Variants in KPNA2 observed in about 807,000 individuals in gnomAD.
KPNA2 encodes the protein karyopherin subunit alpha 2.
Under a neutral mutation model 53.7 loss-of-function variants are expected in KPNA2, and 20 were observed. That is an observed-to-expected ratio of 0.37 (90% CI 0.26 to 0.54). The LOEUF (loss-of-function observed/expected upper bound fraction) is 0.54. Among genes scored for constraint, KPNA2 ranks in the 20% least tolerant of loss-of-function variants. KPNA2 has a pLI of 0.83. For synonymous variants in KPNA2, 238 were observed against 227.5 expected, an observed-to-expected ratio of 1.05 and a Z score of -0.42; for missense variants, 515 against 640.3, an observed-to-expected ratio of 0.80 and a Z score of 2.11.
At chr17:68,036,379 A>C (rs1568274100) in intron 1 of KPNA2, 1 of 152,394 alleles carries the variant, frequency 6.6e-6, no homozygotes, top group East Asian at 1.9e-4. Flanking sequence ...GTCTCTGGAA[A>C]TGCAAATCAA....
At chr17:68,036,759 C>A (rs2071195015) in intron 1 of KPNA2, among the ~76,000 whole-genome samples, 1 of 152,112 alleles carries the variant, frequency 6.6e-6, no homozygotes, top group Admixed American at 6.5e-5. Context: ...ATTGATAACA[C>A]GTTGAAATAC....
Position 68,046,688 on chromosome 17 carries a change from T to C in KPNA2, c.*92T>C. The C allele has an allele frequency of 1.2e-6, 1 of 821,014 alleles. No homozygotes were observed. Among genetic ancestry groups the C allele is most frequent in the Non-Finnish European group, 2.1e-6 (1 of 483,330 alleles). 50.9% of individuals were successfully genotyped at this position (821,014 alleles called of 1,614,324 possible). A position where few individuals can be genotyped will look rare whatever the true frequency, so the allele number is the denominator to read the frequency against. On this transcript the variant is annotated 3_prime_UTR_variant, in exon 11 of 11. Coordinates refer to ENST00000330459, the MANE Select transcript of KPNA2 (RefSeq NM_002266.4). ...TAAGAACTCTTTCTTAAATGTGGTTTGTTACTGTAGCACTTTTTACACTGA... is the reference window on the plus strand; with the variant it reads ...TAAGAACTCTTTCTTAAATGTGGTTCGTTACTGTAGCACTTTTTACACTGA...
At chr17:68,037,555 T>G in intron 3 of KPNA2, 60 bp downstream of exon 3, 1 of 1,494,604 alleles carries the variant, frequency 6.7e-7, no homozygotes, top group Non-Finnish European at 9.2e-7. Flanking sequence ...TAGGGACTTT[T>G]CTTAGAAATT....
rs782766705 is a variant in KPNA2 at position 68,037,439 on chromosome 17, G to A, written c.157G>A (p.Val53Ile). Reference sequence around the variant, plus strand: ...TGACCAGATGCTGAAGAGGAGAAATGTAAGCTCATTTCCTGATGATGCTAC... The same window carrying A: ...TGACCAGATGCTGAAGAGGAGAAATATAAGCTCATTTCCTGATGATGCTAC... ...KDDQMLKRRNVSSFPDDATSP... is the reference protein window; with the variant it reads ...KDDQMLKRRNISSFPDDATSP... The change falls in exon 3 of 11, where the codon GTA becomes ATA. Residue 53 changes from valine to isoleucine, a missense_variant. By Grantham distance (29) the Val-to-Ile change is conservative. Transcript: ENST00000330459. 6.2e-7 allele frequency: 1 copy of A among 1,614,108 alleles called. No homozygotes were observed. The highest frequency in any genetic ancestry group is 1.1e-5 in the South Asian group (1 of 91,080).
chr17:68,041,430 A>C (rs1234227867), intron 4 of KPNA2, among the ~76,000 whole-genome samples: 2 of 152,182 alleles, frequency 1.3e-5, no homozygotes, highest in Non-Finnish European at 2.9e-5. Flanking sequence ...GTGGTGGCAC[A>C]TGCCTGTAAT....
chr17:68,046,323 G>A lies in KPNA2; in HGVS notation c.1498-181G>A, dbSNP rs151252824. 1.5e-3 allele frequency among the ~76,000 whole-genome samples: 229 copies of A among 152,256 alleles called. 3 individuals carry two copies. The highest frequency in any genetic ancestry group is 5.3e-3 in the African/African-American group (219 of 41,556). On this transcript the variant is annotated intron_variant, in intron 10 of 10. Coordinates refer to ENST00000330459, the MANE Select transcript of KPNA2 (RefSeq NM_002266.4). ...CCTGTTTGTGTTACTGTAGTAGCTA[G>A]CATTTATGAATTGGCAAAGTTTCAG... is the stretch of plus-strand genomic sequence containing the variant.
intron 3 of KPNA2, among the ~76,000 whole-genome samples, chr17:68,038,251 A>C (rs532633585): frequency 6.6e-6 from 1 of 152,196 alleles, no homozygotes; most frequent in Non-Finnish European, 1.5e-5. Flanking sequence ...CTGGGATTAC[A>C]GGCGTGAGCC....
chr17:68,036,886 A>T, intron 1 of KPNA2: 1 of 402,164 alleles, frequency 2.5e-6, no homozygotes, highest in Admixed American at 4.5e-5. Flanking sequence ...CTTGCATTCT[A>T]TTTCTGATGG....
At chr17:68,045,143 G>A (rs2071313362) in intron 9 of KPNA2, among the ~76,000 whole-genome samples, 1 of 150,358 alleles carries the variant, frequency 6.7e-6, no homozygotes, top group South Asian at 2.1e-4. Flanking sequence ...TAGCGTATCT[G>A]TTACTGTGTA....
rs1555705365 is a variant in KPNA2, at chr17:68,045,917, T to C, written c.1493T>C (p.Val498Ala). The C allele has an allele frequency of 6.4e-7, 1 of 1,566,162 alleles. No individual in the cohort carries two copies. Among genetic ancestry groups the C allele is most frequent in the Non-Finnish European group, 8.7e-7 (1 of 1,153,538 alleles). ...SLSLIEKYFS[V>A]EEEEDQNVVP... ...AGCTTAATTGAGAAGTATTTCTCTG[T>C]AGAGGTGAGTAATGGATGGTAATAT... The change falls in exon 10 of 11, where the codon GTA (valine) becomes GCA (alanine). Residue 498 changes from valine to alanine, a missense_variant. Val to Ala is a moderately conservative substitution (Grantham distance 64, BLOSUM62 0). Coordinates refer to ENST00000330459, the MANE Select transcript of KPNA2 (RefSeq NM_002266.4).
At chr17:68,038,504 C>T (rs986706568) in intron 3 of KPNA2, among the ~76,000 whole-genome samples, 7 of 152,114 alleles carry the variant, frequency 4.6e-5, no homozygotes, top group Non-Finnish European at 1.0e-4. Context: ...TTACAGTAGC[C>T]TCCTAATTTA....
chr17:68,042,147 C>A lies in KPNA2; in HGVS notation c.365C>A (p.Pro122Gln). 2 of 1,613,942 alleles carry A rather than the reference C, an allele frequency of 1.2e-6. No individual in the cohort carries two copies. Among genetic ancestry groups the A allele is most frequent in the African/African-American group, 1.3e-5 (1 of 75,026 alleles). The change falls in exon 5 of 11, where the codon CCG (proline) becomes CAG (glutamine). Residue 122 changes from proline (P) to glutamine (Q), a missense_variant. Transcript: ENST00000330459. Reference protein sequence around the residue: ...IDNIIRAGLIPKFVSFLGRTD... With the variant: ...IDNIIRAGLIQKFVSFLGRTD... Reference sequence around the variant, plus strand: ...AACATAATCCGGGCTGGTTTGATTCCGAAATTTGTGTCCTTCTTGGGCAGA... The same window carrying A: ...AACATAATCCGGGCTGGTTTGATTCAGAAATTTGTGTCCTTCTTGGGCAGA...
chr17:68,042,075 TCCCC>T lies in KPNA2; in HGVS notation c.303-9_303-6del. 6.3e-7 allele frequency: 1 copy of T among 1,598,198 alleles called. No individual in the cohort carries two copies. Among genetic ancestry groups the T allele is most frequent in the Admixed American group, 1.7e-5 (1 of 58,462 alleles). On this transcript the variant is annotated splice_polypyrimidine_tract_variant and splice_region_variant and intron_variant, in intron 4 of 10. Coordinates refer to ENST00000330459, the MANE Select transcript of KPNA2 (RefSeq NM_002266.4). ...TGTCAACTTTTATTTCTCTTTTTGTTCCCCTTTAGGAAACTACTTTCCAGAGAAA... is the reference window on the plus strand; with the variant it reads ...TGTCAACTTTTATTTCTCTTTTTGTTTTTAGGAAACTACTTTCCAGAGAAA...
chr17:68,042,741 G>T (rs1241472189), intron 5 of KPNA2, among the ~76,000 whole-genome samples, 164 bp from the exon 6 acceptor site: 5 of 151,956 alleles, frequency 3.3e-5, no homozygotes, highest in Admixed American at 3.3e-4. Flanking sequence ...AATTAGCCGG[G>T]CGTGGCGGCG....
intron 8 of KPNA2, 122 bp from the exon 9 acceptor site, chr17:68,044,199 C>A (rs1267387881): frequency 8.8e-6 from 11 of 1,248,896 alleles, no homozygotes; most frequent in Admixed American, 1.9e-5. Context: ...ACCCAGTAAC[C>A]CCTTTTACTT....
At chr17:68,037,959 T>G (rs2144207171) in intron 3 of KPNA2, among the ~76,000 whole-genome samples, 1 of 151,916 alleles carries the variant, frequency 6.6e-6, no homozygotes, top group Non-Finnish European at 1.5e-5. Context: ...TCACCACGCT[T>G]GGCTAGTTTT....
At chr17:68,039,535 C>T (rs180906959) in intron 3 of KPNA2, among the ~76,000 whole-genome samples, 1 of 151,798 alleles carries the variant, frequency 6.6e-6, no homozygotes, top group Non-Finnish European at 1.5e-5. Flanking sequence ...AATCCCATTA[C>T]TTTGGGAGGC....
At chr17:68,040,222 T>C (rs528675678) in intron 3 of KPNA2, among the ~76,000 whole-genome samples, 2 of 151,962 alleles carry the variant, frequency 1.3e-5, no homozygotes, top group South Asian at 4.2e-4. Context: ...TGAGACAAGG[T>C]CTTGTATGGC....
At position 68,037,398 on chromosome 17, in the gene KPNA2, G is replaced by A; in HGVS notation, c.116G>A (p.Arg39Lys). Reference protein sequence around the residue: ...RRRIEVNVELRKAKKDDQMLK... With the variant: ...RRRIEVNVELKKAKKDDQMLK... Reference sequence around the variant, plus strand: ...AGAATAGAGGTCAATGTGGAGCTGAGGAAAGCTAAGAAGGATGACCAGATG... The same window carrying A: ...AGAATAGAGGTCAATGTGGAGCTGAAGAAAGCTAAGAAGGATGACCAGATG... The change falls in exon 3 of 11, where the codon AGG becomes AAG. Residue 39 changes from arginine to lysine, a missense_variant. Transcript: ENST00000330459. The A allele has an allele frequency of 6.2e-7, 1 of 1,614,082 alleles. No homozygotes were observed. Among genetic ancestry groups the A allele is most frequent in the African/African-American group, 1.3e-5 (1 of 75,024 alleles).
Sources: gnomAD v4.1 joint callset for allele counts (sites outside exome capture counted in the v4.1 genomes callset) on GRCh38, gnomAD v4.1.1 for gene constraint, MANE v1.5 for transcripts, NCBI Gene and HGNC (gene_info 2026-07-23, HGNC 2026-07-21) for gene names.